The following KDM4C variants were observed in gnomAD, a reference collection of about 807,000 sequenced individuals.
KDM4C encodes lysine demethylase 4C, also known as lysine-specific demethylase 4C.
In KDM4C, 81 loss-of-function variants were observed where a neutral mutation model predicts 129.3. The observed-to-expected ratio is 0.63, with a 90% confidence interval of 0.52 to 0.75. The LOEUF (loss-of-function observed/expected upper bound fraction) is 0.75. Among genes scored for constraint, KDM4C ranks in the 30% least tolerant of loss-of-function variants. The pLI, the probability that KDM4C is intolerant of heterozygous loss-of-function variation, is 0.00. For synonymous variants in KDM4C, 573 were observed against 456.1 expected, an observed-to-expected ratio of 1.26 and a Z score of -3.26; for missense variants, 1,457 against 1,304.0, an observed-to-expected ratio of 1.12 and a Z score of -1.81.
chr9:6,873,978 G>C (rs1043328715), intron 5 of KDM4C, among the ~76,000 whole-genome samples: 6 of 149,516 alleles, frequency 4.0e-5, no homozygotes, highest in African/African-American at 1.5e-4. Flanking sequence ...GAGAGGATCA[G>C]CTAGCCGACG....
intron 5 of KDM4C, 63 bp downstream of exon 5, chr9:6,849,763 T>C: frequency 7.6e-7 from 1 of 1,312,710 alleles, no homozygotes; most frequent in Non-Finnish European, 1.1e-6. Flanking sequence ...CAGGCACATA[T>C]TGAAGAGGAT....
chr9:6,773,792 G>C (rs986431447), intron 1 of KDM4C, among the ~76,000 whole-genome samples: 3 of 148,494 alleles, frequency 2.0e-5, no homozygotes, highest in African/African-American at 7.5e-5. Context: ...AAAAAGTATA[G>C]GTATTGTAGA....
intron 1 of KDM4C, chr9:6,727,573 G>T: frequency 4.4e-6 from 1 of 229,820 alleles, no homozygotes; most frequent in Non-Finnish European, 6.6e-6. Flanking sequence ...TGGCTAACAC[G>T]GTGAAACTCA....
At position 7,175,559 on chromosome 9, in the gene KDM4C, T is replaced by C. The variant is rs1444687009; in HGVS notation, c.*830T>C. On this transcript the variant is annotated 3_prime_UTR_variant, in exon 22 of 22. Transcript: ENST00000381309. The stretch of plus-strand genomic sequence containing the variant: ...GTTTAAATAAATATGCTTTGATGCA[T>C]AGTTTTGAACTAATGTAACATGATT... 1.3e-5 allele frequency: 2 copies of C among 152,668 alleles called. No homozygotes were observed. Among genetic ancestry groups the C allele is most frequent in the East Asian group, 1.9e-4 (1 of 5,202 alleles). The allele number at this position is 152,668 out of a possible 1,614,324, so 9.5% of individuals were successfully genotyped here.
intron 3 of KDM4C, among the ~76,000 whole-genome samples, chr9:6,809,243 C>G (rs763127356): frequency 2.6e-5 from 4 of 152,086 alleles, no homozygotes; most frequent in African/African-American, 4.8e-5. Context: ...TCTTATTAAT[C>G]GAGAACATGA....
At chr9:6,971,042 C>G (rs925052342) in intron 8 of KDM4C, among the ~76,000 whole-genome samples, 4 of 151,860 alleles carry the variant, frequency 2.6e-5, no homozygotes, top group African/African-American at 9.7e-5. Flanking sequence ...CAGCGCATTC[C>G]TTTTTTTTAA....
chr9:6,732,144 A>G (rs569601723), intron 1 of KDM4C, among the ~76,000 whole-genome samples: 4 of 151,914 alleles, frequency 2.6e-5, no homozygotes, highest in East Asian at 3.9e-4. Context: ...AGGTGGGCGG[A>G]TCACGAGGTC....
At chr9:7,112,311 G>A (rs1375850622) in intron 18 of KDM4C, among the ~76,000 whole-genome samples, 1 of 152,106 alleles carries the variant, frequency 6.6e-6, no homozygotes, top group Non-Finnish European at 1.5e-5. Flanking sequence ...GTGTGGGGCA[G>A]TATTAGGAAG....
intron 1 of KDM4C, among the ~76,000 whole-genome samples, chr9:6,782,666 A>G (rs1273766577): frequency 6.6e-6 from 1 of 152,116 alleles, no homozygotes; most frequent in Non-Finnish European, 1.5e-5. Flanking sequence ...CAAGTGGGCA[A>G]AAGGGGTCTT....
intron 21 of KDM4C, among the ~76,000 whole-genome samples, 177 bp from the exon 22 acceptor site, chr9:7,174,376 C>T (rs1266907815): frequency 2.6e-5 from 4 of 152,148 alleles, no homozygotes; most frequent in Non-Finnish European, 5.9e-5. Flanking sequence ...AATGGAGCCC[C>T]CCACTTTGGG....
At chr9:7,136,538 G>A (rs1841226753) in intron 19 of KDM4C, among the ~76,000 whole-genome samples, 1 of 152,188 alleles carries the variant, frequency 6.6e-6, no homozygotes, top group African/African-American at 2.4e-5. Flanking sequence ...GATGTATAGT[G>A]TTATTTCACG....
chr9:6,775,043 C>A (rs1350812886), intron 1 of KDM4C, among the ~76,000 whole-genome samples: 1 of 152,148 alleles, frequency 6.6e-6, no homozygotes, highest in Non-Finnish European at 1.5e-5. Flanking sequence ...TGGAGTCTCT[C>A]TCTGTTGCCC....
intron 17 of KDM4C, among the ~76,000 whole-genome samples, chr9:7,102,309 CTTT>C (rs34614459): frequency 7.8e-5 from 7 of 89,974 alleles, no homozygotes; most frequent in African/African-American, 1.3e-4. Flanking sequence ...ATGGTTTTCC[CTTT>C]TTTTTTTTTT....
chr9:6,933,372 A>T (rs10975912), intron 8 of KDM4C, among the ~76,000 whole-genome samples: 34,278 of 152,104 alleles, frequency 0.23, 4,655 homozygotes, highest in Middle Eastern at 0.4. Flanking sequence ...TTAGCTATCT[A>T]CTACATGCAC....
intron 18 of KDM4C, among the ~76,000 whole-genome samples, chr9:7,127,336 A>T (rs572490902): frequency 6.6e-6 from 1 of 152,316 alleles, no homozygotes; most frequent in South Asian, 2.1e-4. Flanking sequence ...TTTGATCAGG[A>T]TCAAAATTAA....
At chr9:7,167,129 A>G (rs965017861) in intron 20 of KDM4C, among the ~76,000 whole-genome samples, 15 of 152,246 alleles carry the variant, frequency 9.9e-5, no homozygotes, top group African/African-American at 3.1e-4. Flanking sequence ...AAATGAGGGA[A>G]GAAAGGCTGT....
chr9:6,981,167 A>T, intron 9 of KDM4C, 49 bp downstream of exon 9: 2 of 1,473,474 alleles, frequency 1.4e-6, no homozygotes, highest in Non-Finnish European at 1.8e-6. Flanking sequence ...GTGTTTTCTC[A>T]GTTAAAATGG....
chr9:6,959,202 A>G (rs374488403), intron 8 of KDM4C, among the ~76,000 whole-genome samples: 8 of 152,316 alleles, frequency 5.3e-5, no homozygotes, highest in Admixed American at 1.3e-4. Context: ...TAGAGAGCCC[A>G]GTTTTCTTCA....
At position 7,165,287 on chromosome 9, in the gene KDM4C, A is replaced by G; in HGVS notation, c.2831A>G (p.Gln944Arg). 6.2e-7 allele frequency: 1 copy of G among 1,614,180 alleles called. No individual in the cohort carries two copies. Reference protein sequence around the residue: ...LGPPAEGEVVQVKWPDGKLYG... With the variant: ...LGPPAEGEVVRVKWPDGKLYG... ...CCACCTGCTGAGGGAGAAGTCGTCC[A>G]AGTCAAGTGGCCCGATGGCAAACTC... The change falls in exon 20 of 22, where the codon CAA becomes CGA. Residue 944 changes from glutamine to arginine, a missense_variant. By Grantham distance (43) the Gln-to-Arg change is conservative (BLOSUM62 1). Coordinates refer to ENST00000381309, the MANE Select transcript of KDM4C (RefSeq NM_015061.6).
Sources: gnomAD v4.1 joint callset for allele counts (sites outside exome capture counted in the v4.1 genomes callset) on GRCh38, gnomAD v4.1.1 for gene constraint, MANE v1.5 for transcripts, NCBI Gene and HGNC (gene_info 2026-07-23, HGNC 2026-07-21) for gene names.